The following GRM2 variants were observed in gnomAD, a reference collection of about 807,000 sequenced individuals.
The protein encoded by GRM2 is metabotropic glutamate receptor 2.
A neutral mutation model predicts 60.4 loss-of-function variants in GRM2; 35 were observed. The observed-to-expected ratio is 0.58, with a 90% CI of 0.44 to 0.77. GRM2 has a LOEUF of 0.77. GRM2 is among the 30% of genes least tolerant of loss of function. The pLI, the probability that GRM2 is intolerant of heterozygous loss-of-function variation, is 0.00. For missense variants in GRM2, 925 were observed against 1,199.5 expected, an observed-to-expected ratio of 0.77 and a Z score of 3.38; for synonymous variants, 437 against 484.1, an observed-to-expected ratio of 0.90 and a Z score of 1.28.
rs757192965 is a variant in GRM2 at position 51,716,135 on chromosome 3, C to T, written c.2362C>T (p.Arg788Trp). ...CTTCTATGTCACCTCCAGTGACTAC[C>T]GGGTGAGCTACCTGCCACAGAGGTC... is the stretch of plus-strand genomic sequence containing the variant. ...PIFYVTSSDYRVQTTTMCVSV... is the reference protein window; with the variant it reads ...PIFYVTSSDYWVQTTTMCVSV... The change falls in exon 4 of 6, where the codon CGG becomes TGG. Residue 788 changes from arginine (R) to tryptophan (W), a missense_variant and splice_region_variant. Physicochemically the swap from Arg to Trp is moderately radical, Grantham distance 101. Transcript: ENST00000395052. The surrounding 1 kb of genome is among the most constrained non-coding windows in gnomAD (Gnocchi z 4.0). The T allele has an allele frequency of 8.8e-6, 14 of 1,596,452 alleles. No individual in the cohort carries two copies. In the East Asian group the frequency reaches 1.1e-4, roughly 13 times the overall value.
rs1305697224 is a variant in GRM2 at position 51,712,516 on chromosome 3, AC to A, written c.495del (p.Tyr165Ter). 6.2e-7 allele frequency: 1 copy of A among 1,614,030 alleles called. No homozygotes were observed. The highest frequency in any genetic ancestry group is 1.7e-5 in the Admixed American group (1 of 60,014). On this transcript the variant is annotated frameshift_variant, in exon 3 of 6. Coordinates refer to ENST00000395052, the MANE Select transcript of GRM2 (RefSeq NM_000839.5). LOFTEE classifies it high-confidence loss of function. This position sits in a 1 kb window ranked among gnomAD's most constrained non-coding sequence, Gnocchi z 5.3. ...CTATTTCAGATCCCACAGATTAGCTACGCCTCTACCAGTGCCAAGCTGAGTG... is the reference window on the plus strand; with the variant it reads ...CTATTTCAGATCCCACAGATTAGCTAGCCTCTACCAGTGCCAAGCTGAGTG... ...LRLFQIPQIS[Y>X]ASTSAKLSDK...
At chr3:51,711,988 C>T (rs1703725967) in intron 2 of GRM2, among the ~76,000 whole-genome samples, 2 of 152,210 alleles carry the variant, frequency 1.3e-5, no homozygotes, top group African/African-American at 4.8e-5. Flanking sequence ...GCCACCGGAC[C>T]CTGGGATCTG....
Position 51,713,121 on chromosome 3 carries a change from C to A in GRM2, c.1099C>A (p.Leu367Ile). 1 of 1,613,150 alleles carries A rather than the reference C, an allele frequency of 6.2e-7. No individual in the cohort carries two copies. The highest frequency in any genetic ancestry group is 8.5e-7 in the Non-Finnish European group (1 of 1,180,040). ...GCAGCGAGACTGCGCAGCCCACTCT[C>A]TCCGGGCTGTGCCCTTTGAGCAGGA... ...FRQRDCAAHS[L>I]RAVPFEQESK... Residue 367 changes from leucine (L) to isoleucine (I), a missense_variant, in exon 3 of 6, where the codon CTC becomes ATC. Leu to Ile is a conservative substitution (Grantham distance 5). Coordinates refer to ENST00000395052, the MANE Select transcript of GRM2 (RefSeq NM_000839.5). The surrounding 1 kb of genome is among the most constrained non-coding windows in gnomAD (Gnocchi z 4.8).
chr3:51,715,441 G>T lies in GRM2; in HGVS notation c.1668G>T (p.Leu556=), dbSNP rs1703859351. 2 of 1,612,628 alleles carry T rather than the reference G, an allele frequency of 1.2e-6. No homozygotes were observed. ...CCAGCCTGACTGGCTGCTTCGAACT[G>T]CCCCAGGAGTACATCCGCTGGGGCG... is the stretch of plus-strand genomic sequence containing the variant. ...PNASLTGCFE[L]PQEYIRWGDA... is the part of the protein sequence containing the mutation. Residue 556 remains leucine, a synonymous_variant, in exon 4 of 6, where the codon CTG becomes CTT. Coordinates refer to ENST00000395052, the MANE Select transcript of GRM2 (RefSeq NM_000839.5). The surrounding 1 kb of genome is among the most constrained non-coding windows in gnomAD (Gnocchi z 9.0).
At position 51,715,706 on chromosome 3, in the gene GRM2, G is replaced by A. The variant is rs768645189; in HGVS notation, c.1933G>A (p.Val645Ile). Residue 645 changes from valine to isoleucine, a missense_variant, in exon 4 of 6, where the codon GTC becomes ATC. By Grantham distance (29) the Val-to-Ile change is conservative. Transcript: ENST00000395052. This position sits in a 1 kb window ranked among gnomAD's most constrained non-coding sequence, Gnocchi z 9.0. Reference sequence around the variant, plus strand: ...TCTTGGTTTGGGCACTGCCTTCTCTGTCTGCTACTCAGCCCTGCTCACCAA... The same window carrying A: ...TCTTGGTTTGGGCACTGCCTTCTCTATCTGCTACTCAGCCCTGCTCACCAA... ...RRLGLGTAFS[V>I]CYSALLTKTN... 3 of 1,614,222 alleles carry A rather than the reference G, an allele frequency of 1.9e-6. No individual in the cohort carries two copies. The South Asian group carries it at 3.3e-5, about 18-fold the overall frequency.
rs544486812 is a variant in GRM2 at position 51,713,391 on chromosome 3, G to C, written c.1288+81G>C. 1.1e-4 allele frequency: 110 copies of C among 1,006,356 alleles called. No homozygotes were observed. The South Asian group carries it at 1.7e-3, about 15-fold the overall frequency. 62.3% of individuals were successfully genotyped at this position (1,006,356 alleles called of 1,614,324 possible). On this transcript the variant is annotated intron_variant, in intron 3 of 5. Transcript: ENST00000395052. This position sits in a 1 kb window ranked among gnomAD's most constrained non-coding sequence, Gnocchi z 4.8. ...GCAGAACTTCAGCTTCCATTCCTTT[G>C]CTAAGGAAACAGTAGAGTGAAAGTA...
At position 51,717,911 on chromosome 3, in the gene GRM2, C is replaced by T; in HGVS notation, c.2545+94C>T. ...CTCTTGTCTGGGGGTGAGGTGCCCCCCAAATGACACTGGCAGGAGAGGACA... is the reference window on the plus strand; with the variant it reads ...CTCTTGTCTGGGGGTGAGGTGCCCCTCAAATGACACTGGCAGGAGAGGACA... On this transcript the variant is annotated intron_variant, in intron 5 of 5. Transcript: ENST00000395052. The surrounding 1 kb of genome is among the most constrained non-coding windows in gnomAD (Gnocchi z 6.0). 6.9e-7 allele frequency: 1 copy of T among 1,439,872 alleles called. No individual in the cohort carries two copies. The highest frequency in any genetic ancestry group is 2.3e-5 in the East Asian group (1 of 43,966). The allele number at this position is 1,439,872 out of a possible 1,614,324, so 89.2% of individuals were successfully genotyped here. A position where few individuals can be genotyped will look rare whatever the true frequency, so the allele number is the denominator to read the frequency against.
rs778582066 is a variant in GRM2, at chr3:51,718,072, A to G, written c.2579A>G (p.Asn860Ser). The change falls in exon 6 of 6, where the codon AAT becomes AGT. Residue 860 changes from asparagine (N) to serine (S), a missense_variant. By Grantham distance (46) the Asn-to-Ser change is conservative. Transcript: ENST00000395052. This position sits in a 1 kb window ranked among gnomAD's most constrained non-coding sequence, Gnocchi z 4.2. ...TCCCAGTTTGTCCCCACTGTTTGCA[A>G]TGGCCGTGAGGTGGTGGACTCGACA... ...SGSQFVPTVC[N>S]GREVVDSTTS... 59 of 1,614,120 alleles carry G rather than the reference A, an allele frequency of 3.7e-5. 2 individuals carry two copies. The South Asian group carries it at 4.8e-4, about 13-fold the overall frequency.
At position 51,717,704 on chromosome 3, in the gene GRM2, C is replaced by G; in HGVS notation, c.2432C>G (p.Ala811Gly). The stretch of plus-strand genomic sequence containing the variant: ...TCCGTGGTGCTTGGCTGCCTCTTTG[C>G]GCCCAAGCTGCACATCATCCTCTTC... ...SGSVVLGCLF[A>G]PKLHIILFQP... The change falls in exon 5 of 6, where the codon GCG becomes GGG. Residue 811 changes from alanine (A) to glycine (G), a missense_variant. By Grantham distance (60) the Ala-to-Gly change is moderately conservative. Transcript: ENST00000395052. This position sits in a 1 kb window ranked among gnomAD's most constrained non-coding sequence, Gnocchi z 6.0. The G allele has an allele frequency of 6.2e-7, 1 of 1,614,030 alleles. No individual in the cohort carries two copies. The highest frequency in any genetic ancestry group is 2.2e-5 in the East Asian group (1 of 44,882).
rs1703797956 is a variant in GRM2, at chr3:51,713,477, A to G, written c.1288+167A>G. 6.6e-6 allele frequency: 4 copies of G among 601,818 alleles called. No individual in the cohort carries two copies. The highest frequency in any genetic ancestry group is 1.2e-5 in the Non-Finnish European group (4 of 340,204). 37.3% of individuals were successfully genotyped at this position (601,818 alleles called of 1,614,324 possible). A position where few individuals can be genotyped will look rare whatever the true frequency, so the allele number is the denominator to read the frequency against. On this transcript the variant is annotated intron_variant, in intron 3 of 5. Transcript: ENST00000395052. The surrounding 1 kb of genome is among the most constrained non-coding windows in gnomAD (Gnocchi z 4.8). ...AGGATGCTAGGCAGAGAGGACTCCA[A>G]CTGAAGCTACGGCTGAGGTTCCACT...
Position 51,713,319 on chromosome 3 carries a change from G to T in GRM2, c.1288+9G>T. 1 of 1,565,540 alleles carries T rather than the reference G, an allele frequency of 6.4e-7. No individual in the cohort carries two copies. Among genetic ancestry groups the T allele is most frequent in the Non-Finnish European group, 8.7e-7 (1 of 1,143,984 alleles). On this transcript the variant is annotated intron_variant, in intron 3 of 5. Coordinates refer to ENST00000395052, the MANE Select transcript of GRM2 (RefSeq NM_000839.5). The surrounding 1 kb of genome is among the most constrained non-coding windows in gnomAD (Gnocchi z 4.8). Reference sequence around the variant, plus strand: ...CAACGTCAAGTTTGATGGTAATGGTGTTGGCCAGTGTCCATTGGCCTGCTG... The same window carrying T: ...CAACGTCAAGTTTGATGGTAATGGTTTTGGCCAGTGTCCATTGGCCTGCTG...
chr3:51,716,836 G>A lies in GRM2; in HGVS notation c.2364+699G>A, dbSNP rs1290863674. Among the ~76,000 whole-genome samples the A allele has an allele frequency of 6.6e-6, 1 of 152,140 alleles. No homozygotes were observed. The highest frequency in any genetic ancestry group is 1.5e-5 in the Non-Finnish European group (1 of 68,036). On this transcript the variant is annotated intron_variant, in intron 4 of 5. Coordinates refer to ENST00000395052, the MANE Select transcript of GRM2 (RefSeq NM_000839.5). The surrounding 1 kb of genome is among the most constrained non-coding windows in gnomAD (Gnocchi z 4.0). ...CCCTTGCCCAAGGTCACTCAGCTTG[G>A]GAGTGCAGAGCAGGGTCTGAACTGC...
chr3:51,712,981 C>A lies in GRM2; in HGVS notation c.959C>A (p.Ala320Asp). ...AAEGAITIEL[A>D]SYPISDFASY... is the part of the protein sequence containing the mutation. ...GAGGGTGCTATCACCATCGAGCTGG[C>A]CTCCTACCCCATCAGTGACTTTGCC... Residue 320 changes from alanine (A) to aspartate (D), a missense_variant, in exon 3 of 6, where the codon GCC (alanine) becomes GAC (aspartate). Physicochemically the swap from Ala to Asp is moderately radical, Grantham distance 126. Coordinates refer to ENST00000395052, the MANE Select transcript of GRM2 (RefSeq NM_000839.5). This position sits in a 1 kb window ranked among gnomAD's most constrained non-coding sequence, Gnocchi z 5.3. 5 of 1,613,274 alleles carry A rather than the reference C, an allele frequency of 3.1e-6. No homozygotes were observed. In the Middle Eastern group the frequency reaches 4.9e-4, roughly 160 times the overall value.
In GRM2 at chr3:51,709,361, T is replaced by C. The variant is rs1404634197; in HGVS notation, c.378T>C (p.Tyr126=). ...GSRHICPDGS[Y]ATHGDAPTAI... is the part of the protein sequence containing the mutation. Reference sequence around the variant, plus strand: ...GCCACATCTGCCCCGACGGCTCTTATGCGACCCATGGTGATGCTCCCACTG... The same window carrying C: ...GCCACATCTGCCCCGACGGCTCTTACGCGACCCATGGTGATGCTCCCACTG... The change falls in exon 2 of 6, where the codon TAT becomes TAC. Residue 126 remains tyrosine (Y), a synonymous_variant. Transcript: ENST00000395052. 1.3e-6 allele frequency: 2 copies of C among 1,589,860 alleles called. No individual in the cohort carries two copies. The highest frequency in any genetic ancestry group is 2.3e-5 in the East Asian group (1 of 44,196).
chr3:51,715,151 C>G lies in GRM2; in HGVS notation c.1378C>G (p.Arg460Gly). Residue 460 changes from arginine to glycine, a missense_variant, in exon 4 of 6, where the codon CGT becomes GGT. Coordinates refer to ENST00000395052, the MANE Select transcript of GRM2 (RefSeq NM_000839.5). This position sits in a 1 kb window ranked among gnomAD's most constrained non-coding sequence, Gnocchi z 9.0. ...IGRYNIFTYL[R>G]AGSGRYRYQK... is the part of the protein sequence containing the mutation. ...CCGCTACAACATCTTCACCTATCTG[C>G]GTGCAGGCAGTGGGCGCTATCGCTA... is the stretch of plus-strand genomic sequence containing the variant. 3.1e-6 allele frequency: 5 copies of G among 1,613,406 alleles called. No individual in the cohort carries two copies. The highest frequency in any genetic ancestry group is 4.2e-6 in the Non-Finnish European group (5 of 1,179,550).
At position 51,715,732 on chromosome 3, in the gene GRM2, G is replaced by A. The variant is rs766841391; in HGVS notation, c.1959G>A (p.Lys653=). The stretch of plus-strand genomic sequence containing the variant: ...TCTGCTACTCAGCCCTGCTCACCAA[G>A]ACCAACCGCATTGCACGCATCTTCG... ...FSVCYSALLT[K]TNRIARIFGG... The change falls in exon 4 of 6, where the codon AAG becomes AAA. Residue 653 remains lysine (K), a synonymous_variant. Transcript: ENST00000395052. This position sits in a 1 kb window ranked among gnomAD's most constrained non-coding sequence, Gnocchi z 9.0. 4 of 1,614,198 alleles carry A rather than the reference G, an allele frequency of 2.5e-6. No individual in the cohort carries two copies. The highest frequency in any genetic ancestry group is 2.5e-6 in the Non-Finnish European group (3 of 1,180,014).
At chr3:51,708,313 C>A (rs566749186) in intron 1 of GRM2, 1 of 152,278 alleles carries the variant, frequency 6.6e-6, no homozygotes, top group South Asian at 2.1e-4. Flanking sequence ...AAGGTTAGAA[C>A]CCTTGGGTGT....
At chr3:51,711,227 T>G (rs915896921) in intron 2 of GRM2, 1 of 152,080 alleles carries the variant, frequency 6.6e-6, no homozygotes, top group Non-Finnish European at 1.5e-5. Context: ...GCAGCTGTCC[T>G]GCTAGTCCCA....
intron 1 of GRM2, chr3:51,707,958 C>A: frequency 6.6e-6 from 1 of 152,392 alleles, no homozygotes; most frequent in Non-Finnish European, 1.5e-5. Context: ...AGGGCCATGG[C>A]TAGGGTGGGC....
Sources: allele counts gnomAD v4.1 joint callset (sites outside exome capture counted in the v4.1 genomes callset), GRCh38; gene constraint gnomAD v4.1.1; non-coding constraint Gnocchi (gnomAD v3.1); transcripts MANE v1.5; gene names NCBI Gene and HGNC (gene_info 2026-07-23, HGNC 2026-07-21).